The following CLMP variants were observed in gnomAD, a reference collection of about 807,000 sequenced individuals.
CLMP encodes the protein CXADR like cell adhesion molecule.
Under a neutral mutation model 45.2 loss-of-function variants are expected in CLMP, and 27 were observed. The ratio of observed to expected loss-of-function variants is 0.60; its 90% CI spans 0.44 to 0.82. The LOEUF is 0.82. Among genes scored for constraint, CLMP ranks in the 40% least tolerant of loss-of-function variants. The pLI, the probability that CLMP is intolerant of heterozygous loss-of-function variation, is 0.00. For synonymous variants in CLMP, 167 were observed against 171.4 expected, an observed-to-expected ratio of 0.97 and a Z score of 0.20; for missense variants, 403 against 448.4, an observed-to-expected ratio of 0.90 and a Z score of 0.91.
chr11:123,099,783 G>A (rs1866033955), intron 1 of CLMP, among the ~76,000 whole-genome samples: 1 of 152,184 alleles, frequency 6.6e-6, no homozygotes, highest in Non-Finnish European at 1.5e-5. Context: ...TGCGGGAAAA[G>A]TGAAGCAGTT....
In CLMP at chr11:123,070,865, T is replaced by C. The variant is rs901972819; in HGVS notation, c.*2609A>G. The C allele has an allele frequency of 6.6e-6, 1 of 152,246 alleles. No homozygotes were observed. 9.4% of individuals were successfully genotyped at this position (152,246 alleles called of 1,614,324 possible). A position where few individuals can be genotyped will look rare whatever the true frequency, so the allele number is the denominator to read the frequency against. On this transcript the variant is annotated 3_prime_UTR_variant, in exon 7 of 7. Coordinates refer to ENST00000448775, the MANE Select transcript of CLMP (RefSeq NM_024769.5). Reference sequence around the variant, plus strand: ...AGACATTTATATGTTAATTCCTCAATGTCTCATTTCCCACCTTTTTTAGAG... The same window carrying C: ...AGACATTTATATGTTAATTCCTCAACGTCTCATTTCCCACCTTTTTTAGAG...
Position 123,083,562 on chromosome 11 carries a change from T to C in CLMP, c.556+118A>G, listed in dbSNP as rs1865828379. Reference sequence around the variant, plus strand: ...GTTAATGGATTTTAAAAATGGCAGTTCAGGAGGTTCAGCAGGGTATTTCAG... The same window carrying C: ...GTTAATGGATTTTAAAAATGGCAGTCCAGGAGGTTCAGCAGGGTATTTCAG... On this transcript the variant is annotated intron_variant, in intron 4 of 6. Transcript: ENST00000448775. 5.0e-6 allele frequency: 5 copies of C among 1,002,004 alleles called. No homozygotes were observed. The Admixed American group carries it at 9.8e-5, about 20-fold the overall frequency. 62.1% of individuals were successfully genotyped at this position (1,002,004 alleles called of 1,614,324 possible).
intron 1 of CLMP, among the ~76,000 whole-genome samples, chr11:123,159,771 CTCAG>C (rs895938236): frequency 2.6e-5 from 4 of 152,246 alleles, no homozygotes; most frequent in South Asian, 4.1e-4. Flanking sequence ...TGCCAATCCT[CTCAG>C]TCAATTAATA....
chr11:123,138,813 C>A (rs1170710390), intron 1 of CLMP, among the ~76,000 whole-genome samples: 1 of 151,984 alleles, frequency 6.6e-6, no homozygotes, highest in Non-Finnish European at 1.5e-5. Flanking sequence ...ACCACCACAC[C>A]CAGCTAATTT....
intron 1 of CLMP, among the ~76,000 whole-genome samples, chr11:123,156,518 G>A (rs1353187881): frequency 4.6e-5 from 7 of 152,166 alleles, no homozygotes; most frequent in South Asian, 2.1e-4. Context: ...GTTGTTTTAC[G>A]CCATTAAGTG....
intron 1 of CLMP, among the ~76,000 whole-genome samples, chr11:123,123,553 C>T (rs888437745): frequency 2.6e-5 from 4 of 152,120 alleles, no homozygotes; most frequent in Non-Finnish European, 4.4e-5. Context: ...CCCACTGTGC[C>T]TGGCCAAGGT....
intron 1 of CLMP, among the ~76,000 whole-genome samples, chr11:123,183,187 G>T (rs1861791465): frequency 6.6e-6 from 1 of 152,130 alleles, no homozygotes; most frequent in South Asian, 2.1e-4. Flanking sequence ...TTTCCAACAA[G>T]CTCCCTGGTG....
chr11:123,118,929 T>TTTTCTTTTCTTTCTTTC (rs1565387590), intron 1 of CLMP, among the ~76,000 whole-genome samples: 12 of 99,418 alleles, frequency 1.2e-4, no homozygotes, highest in Non-Finnish European at 1.8e-4. Context: ...TTTTCTTTTC[T>TTTTCTTTTCTTTCTTTC]TTTCTTTCTT....
chr11:123,138,595 GC>G (rs59749402), intron 1 of CLMP, among the ~76,000 whole-genome samples: 8,975 of 110,732 alleles, frequency 0.081, 422 homozygotes, highest in East Asian at 0.23. Flanking sequence ...GCTCCCACCT[GC>G]CCCCCACCCC....
intron 1 of CLMP, among the ~76,000 whole-genome samples, chr11:123,146,824 T>C (rs939504112): frequency 3.9e-5 from 6 of 152,176 alleles, no homozygotes; most frequent in Admixed American, 6.5e-5. Context: ...CCAGACAAGG[T>C]GGCTTCCCTT....
At chr11:123,181,275 T>C (rs1399734111) in intron 1 of CLMP, among the ~76,000 whole-genome samples, 1 of 152,162 alleles carries the variant, frequency 6.6e-6, no homozygotes, top group African/African-American at 2.4e-5. Context: ...ATGTGTTCTC[T>C]TTCCAGAGTG....
chr11:123,169,004 C>T (rs187042444), intron 1 of CLMP, among the ~76,000 whole-genome samples: 1 of 152,080 alleles, frequency 6.6e-6, no homozygotes, highest in Non-Finnish European at 1.5e-5. Context: ...ATATGAAAGA[C>T]CACCATAAGA....
At chr11:123,091,887 G>A (rs566072772) in intron 2 of CLMP, among the ~76,000 whole-genome samples, 1 of 152,198 alleles carries the variant, frequency 6.6e-6, no homozygotes, top group African/African-American at 2.4e-5. Context: ...GGCTTCTGAA[G>A]GTTACACCTA....
At chr11:123,177,965 C>T (rs1416728379) in intron 1 of CLMP, among the ~76,000 whole-genome samples, 3 of 152,244 alleles carry the variant, frequency 2.0e-5, no homozygotes, top group East Asian at 3.9e-4. Flanking sequence ...CGGGTTCAAG[C>T]GATACTTCTA....
At chr11:123,116,723 T>C (rs928303833) in intron 1 of CLMP, among the ~76,000 whole-genome samples, 1 of 152,236 alleles carries the variant, frequency 6.6e-6, no homozygotes, top group African/African-American at 2.4e-5. Context: ...GAGTAGGTTA[T>C]GACATGAATT....
intron 1 of CLMP, among the ~76,000 whole-genome samples, chr11:123,110,193 C>T (rs188925984): frequency 3.6e-4 from 55 of 152,234 alleles, no homozygotes; most frequent in Middle Eastern, 6.8e-3. Context: ...CGATGGCTCA[C>T]GCCTGTAATC....
chr11:123,159,666 G>A (rs551329323), intron 1 of CLMP, among the ~76,000 whole-genome samples: 2 of 152,294 alleles, frequency 1.3e-5, no homozygotes, highest in East Asian at 3.9e-4. Flanking sequence ...GTGAGGTGGC[G>A]GGAGGCCCAG....
At chr11:123,115,837 C>G (rs76262366) in intron 1 of CLMP, among the ~76,000 whole-genome samples, 16,629 of 152,024 alleles carry the variant, frequency 0.11, 1,640 homozygotes, top group African/African-American at 0.27. Context: ...CTTAGCAGCT[C>G]GAAACAATAA....
At chr11:123,150,983 G>A (rs900690791) in intron 1 of CLMP, among the ~76,000 whole-genome samples, 14 of 152,272 alleles carry the variant, frequency 9.2e-5, no homozygotes, top group East Asian at 3.9e-4. Flanking sequence ...GATTACAGGC[G>A]CGAGCCACTG....
Sources: allele counts gnomAD v4.1 joint callset (sites outside exome capture counted in the v4.1 genomes callset), GRCh38; gene constraint gnomAD v4.1.1; transcripts MANE v1.5; gene names NCBI Gene and HGNC (gene_info 2026-07-23, HGNC 2026-07-21).